Variants in GRB2 observed in about 807,000 individuals in gnomAD.
The protein encoded by GRB2 is growth factor receptor-bound protein 2.
GRB2 carries 2 observed loss-of-function variants against 27.4 expected under a neutral mutation model. That is an observed-to-expected ratio of 0.07 (90% CI 0.03 to 0.23). The LOEUF (loss-of-function observed/expected upper bound fraction) is 0.23, where lower values mean the gene tolerates loss of function less well. Among genes scored for constraint, GRB2 ranks in the 10% least tolerant of loss-of-function variants. The pLI is 1.00. For missense variants in GRB2, 102 were observed against 282.4 expected, an observed-to-expected ratio of 0.36 and a Z score of 4.58; for synonymous variants, 94 against 99.6, an observed-to-expected ratio of 0.94 and a Z score of 0.33.
chr17:75,384,416 C>A (rs1421361971), intron 2 of GRB2, among the ~76,000 whole-genome samples: 1 of 152,182 alleles, frequency 6.6e-6, no homozygotes, highest in Non-Finnish European at 1.5e-5. Context: ...CCCCTGTAAT[C>A]CCAGCACTTT....
chr17:75,396,503 C>T lies in GRB2; in HGVS notation c.-137-2738G>A, dbSNP rs116048293. 6.1e-3 allele frequency among the ~76,000 whole-genome samples: 931 copies of T among 152,242 alleles called. 13 individuals are homozygous for T. Among genetic ancestry groups the T allele is most frequent in the African/African-American group, 0.021 (886 of 41,540 alleles). On this transcript the variant is annotated intron_variant, in intron 1 of 5. Coordinates refer to ENST00000316804, the MANE Select transcript of GRB2 (RefSeq NM_002086.5). ...TTGCATGGTCTCTAGAGGCAGGCCC[C>T]TCACGCTAACTGCTACAATTTTGGG...
At chr17:75,393,984 C>G (rs2079015529) in intron 1 of GRB2, 1 of 369,228 alleles carries the variant, frequency 2.7e-6, no homozygotes, top group Non-Finnish European at 5.0e-6. Flanking sequence ...GCACAGCTGC[C>G]TGAGCTATTC....
At position 75,318,404 on chromosome 17, in the gene GRB2, C is replaced by T. The variant is rs1454965005; in HGVS notation, c.*1964G>A. 6.6e-6 allele frequency: 1 copy of T among 152,196 alleles called. No homozygotes were observed. Among genetic ancestry groups the T allele is most frequent in the East Asian group, 1.9e-4 (1 of 5,196 alleles). The allele number at this position is 152,196 out of a possible 1,614,324, so 9.4% of individuals were successfully genotyped here. A position where few individuals can be genotyped will look rare whatever the true frequency, so the allele number is the denominator to read the frequency against. ...GCACAGCAAACGCTCCAGGCCTGGGCCCTGTTCATATCTGGAGTCGGAGGG... is the reference window on the plus strand; with the variant it reads ...GCACAGCAAACGCTCCAGGCCTGGGTCCTGTTCATATCTGGAGTCGGAGGG... On this transcript the variant is annotated 3_prime_UTR_variant, in exon 6 of 6. Transcript: ENST00000316804.
At chr17:75,386,771 C>A (rs2078966359) in intron 2 of GRB2, among the ~76,000 whole-genome samples, 1 of 152,198 alleles carries the variant, frequency 6.6e-6, no homozygotes, top group Non-Finnish European at 1.5e-5. Context: ...ACCCAGTACA[C>A]CACAGCAAGA....
rs2079015454 is a variant in GRB2 at position 75,393,973 on chromosome 17, G to A, written c.-137-208C>T. ...GCGACTGACAGGCCTGCCGGCCAAT[G>A]GCACAGCTGCCTGAGCTATTCCTGA... On this transcript the variant is annotated intron_variant, in intron 1 of 5. Transcript: ENST00000316804. 3 of 391,204 alleles carry A rather than the reference G, an allele frequency of 7.7e-6. No homozygotes were observed. In the South Asian group the frequency reaches 9.4e-5, roughly 12 times the overall value. The allele number at this position is 391,204 out of a possible 1,614,324, so 24.2% of individuals were successfully genotyped here.
At chr17:75,331,799 C>A (rs2078543063) in intron 3 of GRB2, among the ~76,000 whole-genome samples, 1 of 152,182 alleles carries the variant, frequency 6.6e-6, no homozygotes, top group African/African-American at 2.4e-5. Context: ...TTAGCCAACC[C>A]TTGACCTACA....
chr17:75,346,037 A>T (rs2078652541), intron 2 of GRB2, among the ~76,000 whole-genome samples: 1 of 152,128 alleles, frequency 6.6e-6, no homozygotes, highest in South Asian at 2.1e-4. Context: ...TGTGAGATGA[A>T]CTGCAAGGAG....
chr17:75,379,004 C>A (rs1199364523), intron 2 of GRB2, among the ~76,000 whole-genome samples: 2 of 152,170 alleles, frequency 1.3e-5, no homozygotes, highest in Non-Finnish European at 2.9e-5. Flanking sequence ...ATCCTCTGAG[C>A]TACTGCCACT....
chr17:75,401,643 G>T (rs2079064717), intron 1 of GRB2, among the ~76,000 whole-genome samples: 1 of 152,144 alleles, frequency 6.6e-6, no homozygotes, highest in Non-Finnish European at 1.5e-5. Flanking sequence ...GGATTCAAAT[G>T]TCACTTTCCA....
Position 75,320,285 on chromosome 17 carries a change from G to A in GRB2, c.*83C>T. On this transcript the variant is annotated 3_prime_UTR_variant, in exon 6 of 6. Transcript: ENST00000316804. The surrounding 1 kb of genome is among the most constrained non-coding windows in gnomAD (Gnocchi z 4.3). ...GGTGTTCTGCACTCCCTCACAGGCT[G>A]CTGTCAGAGGCAGCTTGTGGGTTTA... is the stretch of plus-strand genomic sequence containing the variant. 1 of 1,211,198 alleles carries A rather than the reference G, an allele frequency of 8.3e-7. No homozygotes were observed. Among genetic ancestry groups the A allele is most frequent in the Admixed American group, 1.7e-5 (1 of 57,166 alleles). The allele number at this position is 1,211,198 out of a possible 1,614,324, so 75.0% of individuals were successfully genotyped here. A position where few individuals can be genotyped will look rare whatever the true frequency, so the allele number is the denominator to read the frequency against.
chr17:75,336,533 C>T (rs953837798), intron 2 of GRB2, among the ~76,000 whole-genome samples: 2 of 152,180 alleles, frequency 1.3e-5, no homozygotes, highest in African/African-American at 4.8e-5. Flanking sequence ...GCTACACTCT[C>T]TTCTTGTCAC....
chr17:75,385,080 A>C (rs1598251624), intron 2 of GRB2, among the ~76,000 whole-genome samples: 2 of 126,746 alleles, frequency 1.6e-5, no homozygotes, highest in African/African-American at 5.1e-5. Context: ...AACAAACAAA[A>C]AAACCCTTAA....
intron 2 of GRB2, among the ~76,000 whole-genome samples, chr17:75,362,832 C>A (rs1348383136): frequency 6.6e-6 from 1 of 152,192 alleles, no homozygotes; most frequent in Non-Finnish European, 1.5e-5. Flanking sequence ...CACCTCCAGC[C>A]AAGCTCACCC....
At chr17:75,363,582 G>C (rs146972860) in intron 2 of GRB2, among the ~76,000 whole-genome samples, 1 of 152,072 alleles carries the variant, frequency 6.6e-6, no homozygotes, top group Non-Finnish European at 1.5e-5. Flanking sequence ...CTAGCGGGCC[G>C]GGCATGGTGG....
chr17:75,361,096 A>G (rs182486510), intron 2 of GRB2, among the ~76,000 whole-genome samples: 69 of 152,294 alleles, frequency 4.5e-4, no homozygotes, highest in Admixed American at 3.8e-3. Flanking sequence ...AAAAGGTACA[A>G]TATATTGTGT....
At chr17:75,321,542 C>G in intron 5 of GRB2, 117 bp downstream of exon 5, 1 of 870,608 alleles carries the variant, frequency 1.1e-6, no homozygotes, top group South Asian at 1.5e-5. Context: ...GAAGCCCCAG[C>G]GGCAATCCCT....
intron 3 of GRB2, among the ~76,000 whole-genome samples, chr17:75,330,684 C>G (rs1295656510): frequency 6.7e-6 from 1 of 148,912 alleles, no homozygotes; most frequent in Non-Finnish European, 1.5e-5. Context: ...ATAAAAACAA[C>G]AAGAACAACA....
At chr17:75,327,075 T>TTC in intron 3 of GRB2, among the ~76,000 whole-genome samples, 1 of 148,622 alleles carries the variant, frequency 6.7e-6, no homozygotes, top group East Asian at 2.0e-4. Flanking sequence ...TATCTTTTCT[T>TTC]TTTTTTTTTT....
intron 3 of GRB2, among the ~76,000 whole-genome samples, chr17:75,331,772 C>T (rs1382234013): frequency 6.6e-6 from 1 of 152,196 alleles, no homozygotes; most frequent in African/African-American, 2.4e-5. Flanking sequence ...TGCTATCTGG[C>T]TCTTCACAGA....
Sources: allele counts gnomAD v4.1 joint callset (sites outside exome capture counted in the v4.1 genomes callset), GRCh38; gene constraint gnomAD v4.1.1; non-coding constraint Gnocchi (gnomAD v3.1); transcripts MANE v1.5; gene names NCBI Gene and HGNC (gene_info 2026-07-23, HGNC 2026-07-21).